HYDIN: variants seen among roughly 807,000 people sequenced by gnomAD.
HYDIN encodes HYDIN axonemal central pair apparatus protein, also known as axonemal central pair apparatus protein HYDIN.
HYDIN carries 132 observed loss-of-function variants against 403.9 expected under a neutral mutation model. The observed-to-expected ratio is 0.33, with a 90% CI of 0.28 to 0.38. The LOEUF (loss-of-function observed/expected upper bound fraction) is 0.38, where lower values mean the gene tolerates loss of function less well. Ranked by LOEUF, HYDIN falls within the 10% of genes least tolerant of loss-of-function variation. HYDIN has a pLI of 1.00. For synonymous variants in HYDIN, 1,202 were observed against 1,891.7 expected, an observed-to-expected ratio of 0.64 and a Z score of 9.46; for missense variants, 2,827 against 5,009.5, an observed-to-expected ratio of 0.56 and a Z score of 13.15.
At chr16:70,835,941 C>T (rs564755625) in intron 77 of HYDIN, 107 bp from the exon 78 acceptor site, 31 of 745,590 alleles carry the variant, frequency 4.2e-5, no homozygotes, top group Non-Finnish European at 6.7e-5. Flanking sequence ...CTTTCTGTGC[C>T]CTCACTTCTT....
chr16:70,882,809 C>T lies in HYDIN; in HGVS notation c.10066G>A (p.Glu3356Lys). 6.6e-7 allele frequency: 1 copy of T among 1,517,180 alleles called. No homozygotes were observed. The highest frequency in any genetic ancestry group is 9.2e-7 in the Non-Finnish European group (1 of 1,091,626). The allele number at this position is 1,517,180 out of a possible 1,614,324, so 94.0% of individuals were successfully genotyped here. The change falls in exon 60 of 86, where the codon GAG becomes AAG. Residue 3356 changes from glutamate (E) to lysine (K), a missense_variant. Transcript: ENST00000393567. ...TCCTCGACGAACAGCCCCCCGCTCTCTATGGTCTGCAGGATGTGGTGCAGG... is the reference window on the plus strand; with the variant it reads ...TCCTCGACGAACAGCCCCCCGCTCTTTATGGTCTGCAGGATGTGGTGCAGG... ...ANLHHILQTI[E>K]SGGLFVEDEN...
intron 47 of HYDIN, among the ~76,000 whole-genome samples, chr16:70,910,359 A>C (rs13331156): frequency 0.018 from 2,771 of 152,072 alleles, 57 homozygotes; most frequent in African/African-American, 0.062. Flanking sequence ...GAGTTACTTC[A>C]CTTAGAATAA....
chr16:70,972,119 T>C (rs988589557), intron 35 of HYDIN, among the ~76,000 whole-genome samples: 3 of 149,492 alleles, frequency 2.0e-5, no homozygotes, highest in Non-Finnish European at 4.4e-5. Flanking sequence ...AGTAAACCCT[T>C]TGAAAATTTT....
intron 75 of HYDIN, among the ~76,000 whole-genome samples, chr16:70,849,419 T>G (rs1489067100): frequency 1.3e-5 from 2 of 152,224 alleles, no homozygotes; most frequent in Admixed American, 6.5e-5. Context: ...CATTCTTTTT[T>G]TTTTCATTCA....
chr16:70,811,089 T>A (rs1357843955), intron 84 of HYDIN, among the ~76,000 whole-genome samples: 1 of 152,092 alleles, frequency 6.6e-6, no homozygotes, highest in African/African-American at 2.4e-5. Flanking sequence ...TAGGTAAAAT[T>A]TGGTTTTACT....
chr16:71,062,036 A>G lies in HYDIN; in HGVS notation c.2376+133T>C, dbSNP rs2082106281. ...CACCGGTATTTTACCATTGCAGAGT[A>G]AAAACATAAAACCCTACAACTCCAA... On this transcript the variant is annotated intron_variant, in intron 17 of 85. Coordinates refer to ENST00000393567, the MANE Select transcript of HYDIN (RefSeq NM_001270974.2). The G allele has an allele frequency of 1.9e-5, 13 of 695,140 alleles. 2 individuals are homozygous for G. Among genetic ancestry groups the G allele is most frequent in the Middle Eastern group, 2.5e-4 (1 of 4,032 alleles). 43.1% of individuals were successfully genotyped at this position (695,140 alleles called of 1,614,324 possible). A position where few individuals can be genotyped will look rare whatever the true frequency, so the allele number is the denominator to read the frequency against.
At chr16:71,021,461 C>T (rs1323702370) in intron 21 of HYDIN, among the ~76,000 whole-genome samples, 24 of 151,978 alleles carry the variant, frequency 1.6e-4, no homozygotes, top group Admixed American at 5.9e-4. Flanking sequence ...ATGATCCACC[C>T]GCCTCAGCCT....
chr16:70,902,826 T>A lies in HYDIN; in HGVS notation c.8849+799A>T, dbSNP rs867621214. Among the ~76,000 whole-genome samples the A allele has an allele frequency of 2.8e-3, 256 of 91,404 alleles. 1 individual carries two copies. Among genetic ancestry groups the A allele is most frequent in the African/African-American group, 6.5e-3 (137 of 21,116 alleles). 60.0% of individuals were successfully genotyped at this position (91,404 alleles called of 152,430 possible). A position where few individuals can be genotyped will look rare whatever the true frequency, so the allele number is the denominator to read the frequency against. On this transcript the variant is annotated intron_variant, in intron 52 of 85. Coordinates refer to ENST00000393567, the MANE Select transcript of HYDIN (RefSeq NM_001270974.2). ...ATATATATATATATATATATATTTT[T>A]TTTTTTTTTTTTGTCCCACTCTCTC...
chr16:71,102,589 G>C (rs2083491553), intron 10 of HYDIN, among the ~76,000 whole-genome samples: 1 of 151,518 alleles, frequency 6.6e-6, no homozygotes, highest in Non-Finnish European at 1.5e-5. Flanking sequence ...ATTTATGTTT[G>C]CTTGAGTTTC....
At chr16:70,881,189 G>T (rs376943970) in intron 60 of HYDIN, among the ~76,000 whole-genome samples, 1 of 130,108 alleles carries the variant, frequency 7.7e-6, no homozygotes, top group Non-Finnish European at 1.5e-5. Flanking sequence ...TGGCGCCATT[G>T]CACTCCAGCC....
intron 7 of HYDIN, among the ~76,000 whole-genome samples, chr16:71,146,195 A>G (rs2085361417): frequency 6.6e-6 from 1 of 152,104 alleles, no homozygotes; most frequent in South Asian, 2.1e-4. Context: ...TAACAAGAGT[A>G]AAAGGGTTGA....
intron 50 of HYDIN, 91 bp downstream of exon 50, chr16:70,907,281 G>C: frequency 6.0e-6 from 3 of 498,956 alleles, no homozygotes; most frequent in Non-Finnish European, 1.1e-5. Context: ...ATTAGTAAAA[G>C]CTACATCTAT....
intron 58 of HYDIN, among the ~76,000 whole-genome samples, chr16:70,885,618 A>C (rs1014001853): frequency 2.0e-5 from 3 of 151,738 alleles, no homozygotes; most frequent in African/African-American, 7.3e-5. Flanking sequence ...TGTAAGATCC[A>C]GGCTCTGACC....
In HYDIN at chr16:70,900,216, C is replaced by T. The variant is rs2076326350; in HGVS notation, c.9048+788G>A. On this transcript the variant is annotated intron_variant, in intron 53 of 85. Coordinates refer to ENST00000393567, the MANE Select transcript of HYDIN (RefSeq NM_001270974.2). ...AAAGATACATCGGGAGGCACCATGC[C>T]TGTAATCCCAGCACTTTGGGAGGCC... Among the ~76,000 whole-genome samples, 5 of 152,246 alleles carry T rather than the reference C, an allele frequency of 3.3e-5. No individual in the cohort carries two copies. The South Asian group carries it at 1.0e-3, about 32-fold the overall frequency.
At chr16:71,203,838 G>A (rs1251321688) in intron 1 of HYDIN, 5 of 455,116 alleles carry the variant, frequency 1.1e-5, no homozygotes, top group African/African-American at 2.0e-5. Context: ...GCCGAGGTGG[G>A]CAGATCACTT....
At chr16:70,870,538 C>A (rs1437522236) in intron 65 of HYDIN, among the ~76,000 whole-genome samples, 1 of 149,764 alleles carries the variant, frequency 6.7e-6, no homozygotes. Flanking sequence ...AGGGTGCAAG[C>A]CCCAAGACTT....
intron 10 of HYDIN, among the ~76,000 whole-genome samples, chr16:71,108,081 T>C (rs1029590021): frequency 1.3e-5 from 2 of 151,938 alleles, no homozygotes; most frequent in Admixed American, 1.3e-4. Context: ...AAAAACAAAA[T>C]ACTGCATATT....
intron 9 of HYDIN, among the ~76,000 whole-genome samples, chr16:71,118,200 AG>A (rs2084117024): frequency 6.6e-6 from 1 of 152,002 alleles, no homozygotes; most frequent in Non-Finnish European, 1.5e-5. Flanking sequence ...GCTTCTCTGA[AG>A]CCCTGGTACT....
chr16:71,105,382 G>C (rs912454521), intron 10 of HYDIN, among the ~76,000 whole-genome samples: 14 of 150,222 alleles, frequency 9.3e-5, no homozygotes, highest in Admixed American at 3.3e-4. Context: ...GAGAGATGCT[G>C]AGTAACCAAT....
Sources: allele counts gnomAD v4.1 joint callset (sites outside exome capture counted in the v4.1 genomes callset), GRCh38; gene constraint gnomAD v4.1.1; transcripts MANE v1.5; gene names NCBI Gene and HGNC (gene_info 2026-07-23, HGNC 2026-07-21).